DSCAM: variants seen among roughly 807,000 people sequenced by gnomAD.
DSCAM encodes DS cell adhesion molecule, also known as cell adhesion molecule DSCAM.
DSCAM carries 47 observed loss-of-function variants against 217.7 expected under a neutral mutation model. The ratio of observed to expected loss-of-function variants is 0.22; its 90% CI spans 0.17 to 0.28. The LOEUF (loss-of-function observed/expected upper bound fraction) is 0.28, where lower values mean the gene tolerates loss of function less well. Ranked by LOEUF, DSCAM falls within the 10% of genes least tolerant of loss-of-function variation. The pLI, the probability that DSCAM is intolerant of heterozygous loss-of-function variation, is 1.00. For synonymous variants in DSCAM, 1,056 were observed against 1,015.3 expected (o/e 1.04, Z -0.76); for missense variants, 2,080 against 2,618.3 (o/e 0.79, Z 4.49).
At chr21:40,538,384 C>T (rs1448007531) in intron 3 of DSCAM, among the ~76,000 whole-genome samples, 1 of 152,146 alleles carries the variant, frequency 6.6e-6, no homozygotes, top group Non-Finnish European at 1.5e-5. Flanking sequence ...TTGGCTTCAA[C>T]CAAAATGCGC....
At position 40,347,788 on chromosome 21, in the gene DSCAM, C is replaced by G. The variant is rs771176555; in HGVS notation, c.1092G>C (p.Gly364=). The change falls in exon 6 of 33, where the codon GGG becomes GGC. Residue 364 remains glycine (G), a synonymous_variant. Transcript: ENST00000400454. ...CCATTATAAGGTTTTCGTGGTTGAT[C>G]CCTGTGATCCTCACATTTTTTCCAG... ...LNPGKNVRIT[G]INHENLIMDH... The G allele has an allele frequency of 7.4e-6, 12 of 1,614,174 alleles. No homozygotes were observed. The highest frequency in any genetic ancestry group is 9.3e-6 in the Non-Finnish European group (11 of 1,180,012).
chr21:40,150,882 G>A (rs546202244), intron 16 of DSCAM, among the ~76,000 whole-genome samples: 1 of 152,306 alleles, frequency 6.6e-6, no homozygotes, highest in South Asian at 2.1e-4. Context: ...TGATACATGG[G>A]TGGAAATAAT....
chr21:40,681,576 G>C (rs2090401433), intron 3 of DSCAM, among the ~76,000 whole-genome samples: 1 of 150,676 alleles, frequency 6.6e-6, no homozygotes, highest in Non-Finnish European at 1.5e-5. Context: ...GATATAAAAT[G>C]TGTGAGAGAG....
chr21:40,734,667 A>T (rs141344655), intron 1 of DSCAM, among the ~76,000 whole-genome samples: 1 of 152,174 alleles, frequency 6.6e-6, no homozygotes, highest in African/African-American at 2.4e-5. Flanking sequence ...GAAAAATTCA[A>T]CTGGGACCTC....
In DSCAM at chr21:40,339,399, A is replaced by T. The variant is rs1395523119; in HGVS notation, c.1227T>A (p.Ile409=). The change falls in exon 7 of 33, where the codon ATT becomes ATA. Residue 409 remains isoleucine (I), a synonymous_variant. Coordinates refer to ENST00000400454, the MANE Select transcript of DSCAM (RefSeq NM_001389.5). Reference sequence around the variant, plus strand: ...CCACCTTTTCACTAAAGGCAGAAATAATTTTGGGAGTTCCATCTGCAGGAA... The same window carrying T: ...CCACCTTTTCACTAAAGGCAGAAATTATTTTGGGAGTTCCATCTGCAGGAA... The part of the protein sequence containing the change: ...QVVLEDGTPK[I]ISAFSEKVVS... 1.2e-6 allele frequency: 2 copies of T among 1,603,998 alleles called. No individual in the cohort carries two copies. The highest frequency in any genetic ancestry group is 3.4e-5 in the Admixed American group (2 of 59,492).
Position 40,715,522 on chromosome 21 carries a change from G to A in DSCAM, c.44-6751C>T, listed in dbSNP as rs912422136. ...GAGAGGCAGGGGTGTTCATCAAGTC[G>A]TAAGTGTTTTATAGTTTTCTCTCCC... On this transcript the variant is annotated intron_variant, in intron 1 of 32. Coordinates refer to ENST00000400454, the MANE Select transcript of DSCAM (RefSeq NM_001389.5). 2.0e-4 allele frequency among the ~76,000 whole-genome samples: 31 copies of A among 152,186 alleles called. 1 individual carries two copies. Among genetic ancestry groups the A allele is most frequent in the East Asian group, 3.9e-4 (2 of 5,188 alleles).
At chr21:40,373,418 T>A (rs1194467176) in intron 3 of DSCAM, among the ~76,000 whole-genome samples, 1 of 152,042 alleles carries the variant, frequency 6.6e-6, no homozygotes, top group Non-Finnish European at 1.5e-5. Context: ...GAGCTTATAA[T>A]CTAAACAGAT....
chr21:40,658,301 A>C (rs1196402808), intron 3 of DSCAM, among the ~76,000 whole-genome samples: 2 of 152,234 alleles, frequency 1.3e-5, no homozygotes, highest in African/African-American at 4.8e-5. Flanking sequence ...ATTATCATTT[A>C]ATTTCTGAAC....
intron 32 of DSCAM, among the ~76,000 whole-genome samples, chr21:40,031,814 T>G (rs10775664): frequency 0.71 from 107,640 of 152,030 alleles, 38,271 homozygotes; most frequent in African/African-American, 0.74. Context: ...AAACCAGAAA[T>G]GGGAGACAAG....
intron 3 of DSCAM, among the ~76,000 whole-genome samples, chr21:40,395,526 T>G (rs1225052813): frequency 6.6e-6 from 1 of 152,180 alleles, no homozygotes; most frequent in East Asian, 1.9e-4. Context: ...ATGAATATAA[T>G]TTGGAGATTT....
At chr21:40,587,820 C>T (rs2076957400) in intron 3 of DSCAM, among the ~76,000 whole-genome samples, 1 of 152,000 alleles carries the variant, frequency 6.6e-6, no homozygotes, top group Non-Finnish European at 1.5e-5. Context: ...AAATCCTTGT[C>T]ACCTTTTCAT....
At chr21:40,368,833 G>A (rs149126498) in intron 4 of DSCAM, among the ~76,000 whole-genome samples, 2 of 152,302 alleles carry the variant, frequency 1.3e-5, no homozygotes, top group Non-Finnish European at 2.9e-5. Context: ...GATGGAGATG[G>A]ATCTTTCACT....
At chr21:40,747,336 G>T (rs546773425) in intron 1 of DSCAM, among the ~76,000 whole-genome samples, 11 of 148,426 alleles carry the variant, frequency 7.4e-5, no homozygotes, top group Non-Finnish European at 1.6e-4. Flanking sequence ...AAAAGAGAAA[G>T]GACTCAAATA....
At chr21:40,347,528 A>C (rs1220256199) in intron 6 of DSCAM, 142 bp downstream of exon 6, 1 of 1,146,448 alleles carries the variant, frequency 8.7e-7, no homozygotes, top group African/African-American at 1.5e-5. Context: ...ATTTAGCTTG[A>C]AAAATTAGGG....
chr21:40,778,331 G>A (rs192046112), intron 1 of DSCAM, among the ~76,000 whole-genome samples: 198 of 152,218 alleles, frequency 1.3e-3, no homozygotes, highest in African/African-American at 4.6e-3. Context: ...GAAAACAACA[G>A]GAGCATGTAA....
chr21:40,380,634 A>G (rs1412418371), intron 3 of DSCAM, among the ~76,000 whole-genome samples: 1 of 152,222 alleles, frequency 6.6e-6, no homozygotes, highest in Non-Finnish European at 1.5e-5. Context: ...GCACTTCAGC[A>G]GAGCCACAGA....
chr21:40,561,787 G>A (rs2076722437), intron 3 of DSCAM, among the ~76,000 whole-genome samples: 1 of 100,098 alleles, frequency 1.0e-5, no homozygotes, highest in Non-Finnish European at 2.1e-5. Context: ...TGGAGATGCA[G>A]AGGCCAACAC....
At chr21:40,155,444 C>A (rs143833389) in intron 16 of DSCAM, among the ~76,000 whole-genome samples, 1 of 152,192 alleles carries the variant, frequency 6.6e-6, no homozygotes, top group African/African-American at 2.4e-5. Context: ...GAGGGCCCAA[C>A]CCAGAGTAGC....
intron 1 of DSCAM, among the ~76,000 whole-genome samples, chr21:40,835,198 C>T (rs1235590133): frequency 1.3e-5 from 2 of 152,062 alleles, no homozygotes; most frequent in African/African-American, 4.8e-5. Context: ...GAGTCTAACA[C>T]AGGTTATTAA....
Sources: gnomAD v4.1 joint callset for allele counts (sites outside exome capture counted in the v4.1 genomes callset) on GRCh38, gnomAD v4.1.1 for gene constraint, MANE v1.5 for transcripts, NCBI Gene and HGNC (gene_info 2026-07-23, HGNC 2026-07-21) for gene names.